Variants in DLD observed in about 807,000 individuals in gnomAD.
DLD encodes dihydrolipoamide dehydrogenase.
DLD carries 36 observed loss-of-function variants against 62.2 expected under a neutral mutation model. That is an observed-to-expected ratio of 0.58 (90% CI 0.44 to 0.76). DLD has a LOEUF of 0.76. Among genes scored for constraint, DLD ranks in the 30% least tolerant of loss-of-function variants. DLD has a pLI of 0.00. For missense variants in DLD, 541 were observed against 608.6 expected (o/e 0.89, Z 1.17); for synonymous variants, 204 against 199.6 (o/e 1.02, Z -0.19).
chr7:107,896,006 A>C, intron 2 of DLD, among the ~76,000 whole-genome samples: 1 of 152,204 alleles, frequency 6.6e-6, no homozygotes. Flanking sequence ...GTAGACCAGC[A>C]TAATTCTATG....
At position 107,920,911 on chromosome 7, in the gene DLD, G is replaced by A. The variant is rs2032395130; in HGVS notation, c.*1652G>A. ...GTTTGCAGTTGCTATCAGCAGGAGG[G>A]TTGGTCTGATATCTGTGTGCTACTT... is the stretch of plus-strand genomic sequence containing the variant. On this transcript the variant is annotated 3_prime_UTR_variant, in exon 14 of 14. Transcript: ENST00000205402. 1 of 152,296 alleles carries A rather than the reference G, an allele frequency of 6.6e-6. No individual in the cohort carries two copies. The highest frequency in any genetic ancestry group is 6.5e-5 in the Admixed American group (1 of 15,276). 9.4% of individuals were successfully genotyped at this position (152,296 alleles called of 1,614,324 possible).
chr7:107,906,497 TAAAG>T (rs2032011986), intron 8 of DLD, 129 bp downstream of exon 8: 1 of 677,004 alleles, frequency 1.5e-6, no homozygotes. Flanking sequence ...CTTCTAGTAA[TAAAG>T]AGTTTACTTT....
At chr7:107,908,563 G>A (rs903613215) in intron 8 of DLD, among the ~76,000 whole-genome samples, 6 of 151,690 alleles carry the variant, frequency 4.0e-5, no homozygotes, top group African/African-American at 1.5e-4. Flanking sequence ...AGCTACTCAG[G>A]AGGTTGAGAT....
chr7:107,909,655 T>G lies in DLD; in HGVS notation c.684+3287T>G, dbSNP rs1032219186. 2.6e-5 allele frequency among the ~76,000 whole-genome samples: 4 copies of G among 152,178 alleles called. No individual in the cohort carries two copies. In the South Asian group the frequency reaches 8.3e-4, roughly 31 times the overall value. On this transcript the variant is annotated intron_variant, in intron 8 of 13. Coordinates refer to ENST00000205402, the MANE Select transcript of DLD (RefSeq NM_000108.5). Reference sequence around the variant, plus strand: ...CACTTGTGGTAGTGTCTACTGATTGTGAAACCAGCTGATTAATAATGTCTT... The same window carrying G: ...CACTTGTGGTAGTGTCTACTGATTGGGAAACCAGCTGATTAATAATGTCTT...
At chr7:107,907,952 C>T (rs978989558) in intron 8 of DLD, among the ~76,000 whole-genome samples, 1 of 152,182 alleles carries the variant, frequency 6.6e-6, no homozygotes, top group African/African-American at 2.4e-5. Flanking sequence ...CTATTTATTG[C>T]TCAATCTGTT....
chr7:107,894,715 C>T (rs1486184186), intron 2 of DLD, among the ~76,000 whole-genome samples: 1 of 152,176 alleles, frequency 6.6e-6, no homozygotes, highest in Non-Finnish European at 1.5e-5. Context: ...TGAGCCAGAA[C>T]TTAGATTTTA....
At chr7:107,896,840 T>A (rs2031737455) in intron 2 of DLD, among the ~76,000 whole-genome samples, 1 of 150,220 alleles carries the variant, frequency 6.7e-6, no homozygotes, top group Non-Finnish European at 1.5e-5. Flanking sequence ...TTGTTTTTGT[T>A]TGTTTTTTTT....
intron 2 of DLD, among the ~76,000 whole-genome samples, chr7:107,895,211 A>AG (rs1202166713): frequency 1.3e-5 from 2 of 152,220 alleles, no homozygotes; most frequent in Non-Finnish European, 2.9e-5. Context: ...TGGAAGAGTT[A>AG]GGTTTTTTAA....
At chr7:107,907,928 C>G (rs1384642196) in intron 8 of DLD, among the ~76,000 whole-genome samples, 2 of 152,192 alleles carry the variant, frequency 1.3e-5, no homozygotes, top group South Asian at 4.1e-4. Context: ...ATAAATTGCT[C>G]TTAGGGCATG....
chr7:107,915,582 A>T lies in DLD; in HGVS notation c.761A>T (p.Asp254Val). ...GGTCATGTAGGTGGAGTTGGAATTG[A>T]TATGGAGATATCTAAAAACTTTCAA... ...FLGHVGGVGI[D>V]MEISKNFQRI... Residue 254 changes from aspartate (D) to valine (V), a missense_variant, in exon 9 of 14, where the codon GAT (aspartate) becomes GTT (valine). Coordinates refer to ENST00000205402, the MANE Select transcript of DLD (RefSeq NM_000108.5). 6.2e-7 allele frequency: 1 copy of T among 1,613,866 alleles called. No individual in the cohort carries two copies. Among genetic ancestry groups the T allele is most frequent in the Non-Finnish European group, 8.5e-7 (1 of 1,179,880 alleles).
At chr7:107,902,451 G>A in intron 4 of DLD, 58 bp downstream of exon 4, 1 of 1,405,838 alleles carries the variant, frequency 7.1e-7, no homozygotes, top group Non-Finnish European at 1.0e-6. Flanking sequence ...CAACTAGAAG[G>A]ATGGATTGAG....
chr7:107,892,823 C>T (rs2031621914), intron 1 of DLD, among the ~76,000 whole-genome samples: 1 of 152,192 alleles, frequency 6.6e-6, no homozygotes, highest in Admixed American at 6.5e-5. Context: ...GTTGGCATTA[C>T]AGGCGTGAGC....
Position 107,893,266 on chromosome 7 carries a change from G to A in DLD, c.106G>A (p.Ala36Thr), listed in dbSNP as rs1407550778. 13 of 1,612,308 alleles carry A rather than the reference G, an allele frequency of 8.1e-6. No individual in the cohort carries two copies. Among genetic ancestry groups the A allele is most frequent in the Middle Eastern group, 1.6e-4 (1 of 6,078 alleles). The stretch of plus-strand genomic sequence containing the variant: ...TTCTGCAGTGCCTCTGAGAACTTAC[G>A]CAGATCAGCCGAGTAAGTACTTAAG... ...GLSAVPLRTY[A>T]DQPIDADVTV... The change falls in exon 2 of 14, where the codon GCA becomes ACA. Residue 36 changes from alanine (A) to threonine (T), a missense_variant. Ala to Thr is a moderately conservative substitution (Grantham distance 58). Transcript: ENST00000205402.
chr7:107,905,373 A>G lies in DLD; in HGVS notation c.451A>G (p.Asn151Asp). 6.2e-7 allele frequency: 1 copy of G among 1,613,480 alleles called. No individual in the cohort carries two copies. Residue 151 changes from asparagine to aspartate, a missense_variant, in exon 7 of 14, where the codon AAT becomes GAT. Physicochemically the swap from Asn to Asp is conservative, Grantham distance 23. Transcript: ENST00000205402. ...TTATTTTGTAAAGGTTGTTCATGTC[A>G]ATGGATATGGAAAGATAACTGGCAA... Reference protein sequence around the residue: ...LFKQNKVVHVNGYGKITGKNQ... With the variant: ...LFKQNKVVHVDGYGKITGKNQ...
intron 5 of DLD, 85 bp downstream of exon 5, chr7:107,903,632 C>A: frequency 1.4e-6 from 1 of 734,764 alleles, no homozygotes; most frequent in Non-Finnish European, 2.4e-6. Context: ...GTCTAACGTA[C>A]GCATAATAGA....
Position 107,905,013 on chromosome 7 carries a change from A to T in DLD, c.393A>T (p.Val131=), listed in dbSNP as rs773013949. Residue 131 remains valine (V), a synonymous_variant, in exon 6 of 14, where the codon GTA becomes GTT. Coordinates refer to ENST00000205402, the MANE Select transcript of DLD (RefSeq NM_000108.5). ...TGATGGAGCAGAAGAGTACTGCAGT[A>T]AAAGCTTTAACAGGTGGAATTGCCC... The part of the protein sequence containing the change: ...DKMMEQKSTA[V]KALTGGIAHL... 6.2e-7 allele frequency: 1 copy of T among 1,613,172 alleles called. No homozygotes were observed. Among genetic ancestry groups the T allele is most frequent in the Non-Finnish European group, 8.5e-7 (1 of 1,179,406 alleles).
At chr7:107,897,125 G>A (rs755562275) in intron 2 of DLD, among the ~76,000 whole-genome samples, 5 of 152,110 alleles carry the variant, frequency 3.3e-5, no homozygotes, top group Admixed American at 2.0e-4. Flanking sequence ...ATGAGCCACC[G>A]CGCCTGGCCA....
chr7:107,915,924 G>A (rs962034837), intron 9 of DLD, among the ~76,000 whole-genome samples: 1 of 152,060 alleles, frequency 6.6e-6, no homozygotes, highest in Non-Finnish European at 1.5e-5. Context: ...CCTTCTTATA[G>A]TACATTCAGA....
At chr7:107,918,839 A>G (rs1490973488) in intron 12 of DLD, among the ~76,000 whole-genome samples, 171 bp from the exon 13 acceptor site, 1 of 152,218 alleles carries the variant, frequency 6.6e-6, no homozygotes, top group Non-Finnish European at 1.5e-5. Flanking sequence ...CCAGAGCCCA[A>G]GCTCTTCTGT....
Sources: allele counts gnomAD v4.1 joint callset (sites outside exome capture counted in the v4.1 genomes callset), GRCh38; gene constraint gnomAD v4.1.1; transcripts MANE v1.5; gene names NCBI Gene and HGNC (gene_info 2026-07-23, HGNC 2026-07-21).